Variants in SMS observed in about 807,000 individuals in gnomAD.
The protein encoded by SMS is spermine synthase, also known as spermidine aminopropyltransferase.
A neutral mutation model predicts 33.0 loss-of-function variants in SMS; 3 were observed. The observed-to-expected ratio is 0.09, with a 90% confidence interval of 0.04 to 0.23. The LOEUF is 0.23. Ranked by LOEUF, SMS falls within the 10% of genes least tolerant of loss-of-function variation. The pLI is 1.00. For missense variants in SMS, 117 were observed against 288.6 expected (o/e 0.41, Z 4.31); for synonymous variants, 103 against 112.2 (o/e 0.92, Z 0.52).
chrX:21,986,593 C>T (rs959308170), intron 9 of SMS, among the ~76,000 whole-genome samples: 9 of 111,806 alleles, frequency 8.0e-5, no homozygotes, highest in Non-Finnish European at 1.7e-4. Context: ...TTGGACTTTG[C>T]GCTTGGCAAA....
Position 21,959,299 on chromosome X carries a change from G to A in SMS, c.50-7897G>A, listed in dbSNP as rs373538108. Among the ~76,000 whole-genome samples, 158 of 112,210 alleles carry A rather than the reference G, an allele frequency of 1.4e-3. 1 individual carries two copies. In the Admixed American group the frequency reaches 0.015, roughly 11 times the overall value. On this transcript the variant is annotated intron_variant, in intron 1 of 10. Transcript: ENST00000404933. ...AACTAGAATTTTCATTTGTGAAATT[G>A]AAGTCTTTTTTGCATATCACTTGAT...
intron 9 of SMS, among the ~76,000 whole-genome samples, chrX:21,989,797 C>G (rs778848925): frequency 1.8e-4 from 20 of 111,438 alleles, no homozygotes; most frequent in African/African-American, 6.2e-4. Flanking sequence ...GGCTAGAGTA[C>G]AGTGGCTTGA....
chrX:21,964,982 C>T (rs952076281), intron 1 of SMS, among the ~76,000 whole-genome samples: 1 of 111,430 alleles, frequency 9.0e-6, no homozygotes, highest in Admixed American at 9.5e-5. Flanking sequence ...ATCCTTGCCT[C>T]TTCAGCTTCT....
chrX:21,940,768 G>T lies in SMS; in HGVS notation c.-57G>T. ...CCGGCCGCAGCCTGACACGCCGCGC[G>T]GCCCCCCAGTCTCCCGCGGCTGCTC... On this transcript the variant is annotated 5_prime_UTR_variant, in exon 1 of 11. Transcript: ENST00000404933. The T allele has an allele frequency of 4.1e-6, 4 of 973,570 alleles. No homozygotes were observed. In the South Asian group the frequency reaches 8.4e-5, roughly 21 times the overall value. The allele number at this position is 973,570 out of a possible 1,213,427, so 80.2% of individuals were successfully genotyped here. A position where few individuals can be genotyped will look rare whatever the true frequency, so the allele number is the denominator to read the frequency against.
intron 4 of SMS, 72 bp from the exon 5 acceptor site, chrX:21,976,989 C>T (rs1924575195): frequency 9.8e-7 from 1 of 1,024,545 alleles, no homozygotes; most frequent in Admixed American, 2.2e-5. Context: ...TTCTTTTGCA[C>T]ACTCTTCATC....
intron 1 of SMS, among the ~76,000 whole-genome samples, chrX:21,951,500 A>C (rs1259194638): frequency 9.0e-6 from 1 of 111,628 alleles, no homozygotes; most frequent in Non-Finnish European, 1.9e-5. Context: ...TTTTTTTGTC[A>C]TGAAGTCTTT....
chrX:21,980,231 T>C (rs1198622648), intron 7 of SMS, among the ~76,000 whole-genome samples: 2 of 108,709 alleles, frequency 1.8e-5, no homozygotes, highest in Non-Finnish European at 3.8e-5. Flanking sequence ...TTAGCAGTCA[T>C]TTTAAATAAA....
intron 9 of SMS, among the ~76,000 whole-genome samples, chrX:21,986,180 C>T (rs1925313030): frequency 9.2e-6 from 1 of 108,882 alleles, no homozygotes; most frequent in Non-Finnish European, 1.9e-5. Context: ...GAAATCCCGT[C>T]TCTACTAAAA....
chrX:21,981,762 G>A (rs1401068354), intron 7 of SMS, among the ~76,000 whole-genome samples: 1 of 111,882 alleles, frequency 8.9e-6, no homozygotes, highest in African/African-American at 3.3e-5. Context: ...GGCTCTAAAT[G>A]TAAAAACTAA....
intron 1 of SMS, 61 bp from the exon 2 acceptor site, chrX:21,967,135 A>T (rs184822857): frequency 1.4e-4 from 159 of 1,164,396 alleles, no homozygotes; most frequent in Non-Finnish European, 1.7e-4. Context: ...ACTGTGCCTC[A>T]TTGGCCTTCC....
At chrX:21,944,540 A>AG (rs1922063870) in intron 1 of SMS, among the ~76,000 whole-genome samples, 1 of 96,802 alleles carries the variant, frequency 1.0e-5, no homozygotes, top group Admixed American at 1.1e-4. Context: ...AAAAAAAAAA[A>AG]AAAAAGAAAA....
chrX:21,989,533 A>G (rs753259302), intron 9 of SMS, among the ~76,000 whole-genome samples: 19 of 112,196 alleles, frequency 1.7e-4, no homozygotes, highest in Non-Finnish European at 3.4e-4. Flanking sequence ...TAGAATTTGC[A>G]TAGAACAAGC....
At chrX:21,964,715 A>G (rs961887208) in intron 1 of SMS, among the ~76,000 whole-genome samples, 7 of 111,876 alleles carry the variant, frequency 6.3e-5, no homozygotes, top group Middle Eastern at 9.2e-3. Context: ...TGGCTGGGCT[A>G]TCAACTGCTC....
At chrX:21,972,600 ATT>A in intron 4 of SMS, 29 bp downstream of exon 4, 1 of 1,027,219 alleles carries the variant, frequency 9.7e-7, no homozygotes, top group Non-Finnish European at 1.4e-6. Flanking sequence ...GTCCTTTTAT[ATT>A]TAATCGATTG....
In SMS at chrX:21,950,064, T is replaced by C. The variant is rs374669784; in HGVS notation, c.49+9191T>C. On this transcript the variant is annotated intron_variant, in intron 1 of 10. Transcript: ENST00000404933. ...CATGCTTTGGAAAACAGTAGTGGCA[T>C]AGTTTTTTGTTTTTGTTTTTCAAAG... 5.4e-5 allele frequency among the ~76,000 whole-genome samples: 6 copies of C among 111,527 alleles called. No homozygotes were observed. In the South Asian group the frequency reaches 1.5e-3, roughly 28 times the overall value.
chrX:21,944,600 T>G (rs956633819), intron 1 of SMS, among the ~76,000 whole-genome samples: 26 of 106,480 alleles, frequency 2.4e-4, no homozygotes, highest in African/African-American at 8.6e-4. Context: ...CCCAGCTAGT[T>G]GGGAGGCTGA....
In SMS at chrX:21,962,655, A is replaced by C. The variant is rs763526972; in HGVS notation, c.50-4541A>C. Reference sequence around the variant, plus strand: ...GGAATTTTTAAAAATTCCTCAGGTGATTATTATTACTTATTTTTTTGAAAT... The same window carrying C: ...GGAATTTTTAAAAATTCCTCAGGTGCTTATTATTACTTATTTTTTTGAAAT... On this transcript the variant is annotated intron_variant, in intron 1 of 10. Transcript: ENST00000404933. 8.1e-4 allele frequency among the ~76,000 whole-genome samples: 90 copies of C among 111,156 alleles called. 1 individual carries two copies. The highest frequency in any genetic ancestry group is 2.7e-3 in the African/African-American group (82 of 30,529).
chrX:21,982,585 A>G (rs1323087988), intron 7 of SMS, among the ~76,000 whole-genome samples: 2 of 112,302 alleles, frequency 1.8e-5, no homozygotes. Flanking sequence ...AGGTGTCACT[A>G]CAAGGTTTTA....
At chrX:21,975,431 C>G (rs775824536) in intron 4 of SMS, among the ~76,000 whole-genome samples, 3 of 111,831 alleles carry the variant, frequency 2.7e-5, no homozygotes, top group Non-Finnish European at 5.6e-5. Context: ...GTGGGTTTGC[C>G]TGTAGTGCAG....
Sources: gnomAD v4.1 joint callset for allele counts (sites outside exome capture counted in the v4.1 genomes callset) on GRCh38, gnomAD v4.1.1 for gene constraint, MANE v1.5 for transcripts, NCBI Gene and HGNC (gene_info 2026-07-23, HGNC 2026-07-21) for gene names.